Variants in RAB2A observed in about 807,000 individuals in gnomAD.
RAB2A encodes RAB2A, member RAS oncogene family, also known as ras-related protein Rab-2A.
RAB2A carries 7 observed loss-of-function variants against 32.5 expected under a neutral mutation model. The ratio of observed to expected loss-of-function variants is 0.22; its 90% CI spans 0.12 to 0.40. RAB2A has a LOEUF of 0.40. Among genes scored for constraint, RAB2A ranks in the 10% least tolerant of loss-of-function variants. RAB2A has a pLI of 1.00. For missense variants in RAB2A, 108 were observed against 260.7 expected (o/e 0.41, Z 4.03); for synonymous variants, 79 against 85.2 (o/e 0.93, Z 0.40).
rs1481439235 is a variant in RAB2A, at chr8:60,621,637, A to G, written c.*868A>G. 1 of 152,186 alleles carries G rather than the reference A, an allele frequency of 6.6e-6. No individual in the cohort carries two copies. Among genetic ancestry groups the G allele is most frequent in the African/African-American group, 2.4e-5 (1 of 41,452 alleles). The allele number at this position is 152,186 out of a possible 1,614,324, so 9.4% of individuals were successfully genotyped here. ...GACTCCAAGAAGAATGAGTATCCAC[A>G]TTTAGATGGCACATTATGAGGACTT... On this transcript the variant is annotated 3_prime_UTR_variant, in exon 8 of 8. Transcript: ENST00000262646.
chr8:60,614,646 T>C (rs1804418855), intron 6 of RAB2A, among the ~76,000 whole-genome samples: 1 of 152,216 alleles, frequency 6.6e-6, no homozygotes, highest in African/African-American at 2.4e-5. Flanking sequence ...AATTAGAACA[T>C]ATTTATAGTC....
intron 6 of RAB2A, among the ~76,000 whole-genome samples, chr8:60,606,153 A>G (rs1013246658): frequency 5.9e-5 from 8 of 135,186 alleles, no homozygotes; most frequent in Non-Finnish European, 1.2e-4. Context: ...CGTCTTAGAA[A>G]ACAAACAAAC....
intron 1 of RAB2A, among the ~76,000 whole-genome samples, chr8:60,550,487 C>A (rs561475223): frequency 6.6e-6 from 1 of 151,794 alleles, no homozygotes; most frequent in Non-Finnish European, 1.5e-5. Flanking sequence ...CAGGTTCAAG[C>A]GATCCTCCCA....
intron 2 of RAB2A, among the ~76,000 whole-genome samples, chr8:60,566,234 G>T (rs1808111156): frequency 6.6e-6 from 1 of 152,166 alleles, no homozygotes; most frequent in African/African-American, 2.4e-5. Flanking sequence ...TTTCCCCACT[G>T]ATGTATCAAA....
chr8:60,595,450 TAGC>T (rs1384998428), intron 6 of RAB2A, among the ~76,000 whole-genome samples: 6 of 152,230 alleles, frequency 3.9e-5, no homozygotes. Context: ...CAAAAGGGAT[TAGC>T]AGAGAGAATT....
chr8:60,558,562 T>TACCAGA, intron 1 of RAB2A: 1 of 497,252 alleles, frequency 2.0e-6, no homozygotes, highest in Non-Finnish European at 3.8e-6. Context: ...TAGTAGAGGC[T>TACCAGA]ACCAGAAGGA....
intron 3 of RAB2A, among the ~76,000 whole-genome samples, chr8:60,581,687 A>G (rs1293446422): frequency 2.0e-5 from 3 of 151,996 alleles, no homozygotes; most frequent in African/African-American, 4.8e-5. Flanking sequence ...GTTAAAGAAG[A>G]TATTTCCTGC....
intron 1 of RAB2A, among the ~76,000 whole-genome samples, chr8:60,557,622 G>C (rs904287452): frequency 3.3e-5 from 5 of 152,112 alleles, no homozygotes; most frequent in African/African-American, 1.2e-4. Context: ...ACCTACCCTG[G>C]AGGTCAGTGG....
chr8:60,577,078 C>T (rs535289027), intron 3 of RAB2A, among the ~76,000 whole-genome samples: 1 of 151,968 alleles, frequency 6.6e-6, no homozygotes, highest in South Asian at 2.1e-4. Flanking sequence ...CAGGATCTTG[C>T]CCTGTTGCCC....
At chr8:60,535,422 A>G (rs541318219) in intron 1 of RAB2A, among the ~76,000 whole-genome samples, 115 of 152,296 alleles carry the variant, frequency 7.6e-4, no homozygotes, top group South Asian at 2.7e-3. Context: ...ATGTGTCCCA[A>G]TTCTACCAGT....
chr8:60,596,632 TGAG>T (rs1172059835), intron 6 of RAB2A, among the ~76,000 whole-genome samples: 1 of 151,992 alleles, frequency 6.6e-6, no homozygotes, highest in African/African-American at 2.4e-5. Flanking sequence ...CATTAAAAAG[TGAG>T]GAAACGGCCG....
chr8:60,603,342 A>G (rs969304786), intron 6 of RAB2A, among the ~76,000 whole-genome samples: 1 of 152,258 alleles, frequency 6.6e-6, no homozygotes, highest in Non-Finnish European at 1.5e-5. Context: ...AGTGGACACC[A>G]TGAAGTTTAA....
intron 3 of RAB2A, among the ~76,000 whole-genome samples, chr8:60,576,614 T>C (rs1467503113): frequency 6.6e-6 from 1 of 152,226 alleles, no homozygotes; most frequent in Non-Finnish European, 1.5e-5. Context: ...GGCATTTTTT[T>C]TCTCCTTTGA....
At chr8:60,593,293 G>C (rs981225039) in intron 6 of RAB2A, among the ~76,000 whole-genome samples, 1 of 152,164 alleles carries the variant, frequency 6.6e-6, no homozygotes, top group African/African-American at 2.4e-5. Context: ...ACTTCCCTTA[G>C]TAGACCTTGG....
At chr8:60,545,554 A>T (rs1807714462) in intron 1 of RAB2A, among the ~76,000 whole-genome samples, 1 of 152,206 alleles carries the variant, frequency 6.6e-6, no homozygotes, top group Non-Finnish European at 1.5e-5. Flanking sequence ...GCACTGGGTT[A>T]TAGGTGTGAG....
chr8:60,553,898 T>G (rs1296500264), intron 1 of RAB2A, among the ~76,000 whole-genome samples: 1 of 152,168 alleles, frequency 6.6e-6, no homozygotes, highest in African/African-American at 2.4e-5. Context: ...AAGCTTTGAG[T>G]TGTCTTAAAG....
chr8:60,540,402 G>C (rs939280170), intron 1 of RAB2A, among the ~76,000 whole-genome samples: 19 of 152,196 alleles, frequency 1.2e-4, no homozygotes, highest in African/African-American at 4.3e-4. Context: ...AGTGAAAAGT[G>C]TTAAAAATGA....
At chr8:60,571,066 A>G (rs1176436600) in intron 2 of RAB2A, among the ~76,000 whole-genome samples, 1 of 152,174 alleles carries the variant, frequency 6.6e-6, no homozygotes, top group Non-Finnish European at 1.5e-5. Flanking sequence ...TGTCTTCACA[A>G]CTGTTTGCCC....
intron 5 of RAB2A, among the ~76,000 whole-genome samples, chr8:60,585,282 T>TTTTTGTTTTGTTTTGTTTTG (rs112024465): frequency 7.4e-4 from 110 of 148,652 alleles, no homozygotes; most frequent in African/African-American, 1.4e-3. Flanking sequence ...GGCACCATTC[T>TTTTTGTTTTGTTTTGTTTTG]TTTTGTTTTG....
Sources: allele counts gnomAD v4.1 joint callset (sites outside exome capture counted in the v4.1 genomes callset), GRCh38; gene constraint gnomAD v4.1.1; transcripts MANE v1.5; gene names NCBI Gene and HGNC (gene_info 2026-07-23, HGNC 2026-07-21).